Variants in NF1 observed in about 807,000 individuals in gnomAD.
NF1 encodes neurofibromin 1.
NF1 carries 122 observed loss-of-function variants against 325.7 expected under a neutral mutation model. That is an observed-to-expected ratio of 0.37 (90% CI 0.32 to 0.44). The LOEUF is 0.44. Ranked by LOEUF, NF1 falls within the 20% of genes least tolerant of loss-of-function variation. NF1 has a pLI of 1.00. For missense variants in NF1, 2,140 were observed against 3,415.4 expected, an observed-to-expected ratio of 0.63 and a Z score of 9.31; for synonymous variants, 1,091 against 1,186.0, an observed-to-expected ratio of 0.92 and a Z score of 1.65.
chr17:31,320,442 G>A (rs2069155042), intron 36 of NF1: 1 of 1,609,600 alleles, frequency 6.2e-7, no homozygotes, highest in Non-Finnish European at 8.5e-7. Flanking sequence ...GGATGCCACT[G>A]CTAGTCAGGC....
At chr17:31,212,551 T>C (rs977509747) in intron 12 of NF1, among the ~76,000 whole-genome samples, 6 of 151,888 alleles carry the variant, frequency 4.0e-5, no homozygotes, top group East Asian at 1.9e-4. Context: ...CTACTAAAAA[T>C]AGAAAAAAAT....
intron 36 of NF1, among the ~76,000 whole-genome samples, chr17:31,270,781 A>G (rs1219764471): frequency 6.6e-6 from 1 of 152,222 alleles, no homozygotes. Context: ...TGCATATTAC[A>G]TAATTTCTCA....
At chr17:31,356,279 C>G (rs1349146012) in intron 51 of NF1, 181 bp from the exon 52 acceptor site, 4 of 576,080 alleles carry the variant, frequency 6.9e-6, no homozygotes, top group African/African-American at 5.7e-5. Flanking sequence ...GCTATGGGAA[C>G]AAAACCCTTT....
intron 36 of NF1, among the ~76,000 whole-genome samples, chr17:31,288,366 T>C (rs1392409340): frequency 6.6e-6 from 1 of 152,142 alleles, no homozygotes; most frequent in East Asian, 1.9e-4. Context: ...CTTAACACAT[T>C]ATTAACACCT....
Position 31,245,952 on chromosome 17 carries a change from A to G in NF1, c.3975-3032A>G, listed in dbSNP as rs185569165. On this transcript the variant is annotated intron_variant, in intron 29 of 57. Transcript: ENST00000358273. ...GACTAGCCCCGTCTTGAAGCTCCCTAGGACCTCCCAGCCACCAGTCATCTC... is the reference window on the plus strand; with the variant it reads ...GACTAGCCCCGTCTTGAAGCTCCCTGGGACCTCCCAGCCACCAGTCATCTC... Among the ~76,000 whole-genome samples, 745 of 152,216 alleles carry G rather than the reference A, an allele frequency of 4.9e-3. 6 individuals are homozygous for G. Among genetic ancestry groups the G allele is most frequent in the Non-Finnish European group, 6.2e-3 (423 of 67,994 alleles).
intron 36 of NF1, chr17:31,304,979 G>A: frequency 6.2e-7 from 1 of 1,614,152 alleles, no homozygotes; most frequent in Non-Finnish European, 8.5e-7. Flanking sequence ...GAAGTCAGAA[G>A]TACACCAATT....
intron 39 of NF1, among the ~76,000 whole-genome samples, chr17:31,334,252 G>A (rs1306627532): frequency 5.0e-4 from 75 of 151,230 alleles, no homozygotes; most frequent in Non-Finnish European, 2.9e-5. Flanking sequence ...AGCCGAGATC[G>A]CTCCTCTGCA....
chr17:31,255,275 G>A (rs1388540969), intron 31 of NF1, among the ~76,000 whole-genome samples: 1 of 151,952 alleles, frequency 6.6e-6, no homozygotes, highest in Admixed American at 6.6e-5. Flanking sequence ...CTGATAACTG[G>A]TCTCAACACA....
At chr17:31,117,746 TTGAA>T (rs1002106613) in intron 1 of NF1, among the ~76,000 whole-genome samples, 1 of 145,180 alleles carries the variant, frequency 6.9e-6, no homozygotes, top group Non-Finnish European at 1.5e-5. Context: ...TAAATATTTG[TTGAA>T]TGAATGAATA....
intron 57 of NF1, 83 bp downstream of exon 57, chr17:31,360,786 C>A: frequency 7.9e-7 from 1 of 1,268,272 alleles, no homozygotes; most frequent in Non-Finnish European, 1.2e-6. Context: ...CAGTTTATAG[C>A]AAATTTTGCT....
At chr17:31,348,577 A>G (rs2070055433) in intron 48 of NF1, among the ~76,000 whole-genome samples, 1 of 149,960 alleles carries the variant, frequency 6.7e-6, no homozygotes, top group South Asian at 2.1e-4. Flanking sequence ...TTTGAAACAT[A>G]ATGCTTATTT....
intron 5 of NF1, among the ~76,000 whole-genome samples, chr17:31,180,282 CACA>C (rs1280599818): frequency 6.6e-6 from 1 of 152,200 alleles, no homozygotes; most frequent in Non-Finnish European, 1.5e-5. Flanking sequence ...CTGGCAGAGA[CACA>C]ACAACAAGAG....
intron 36 of NF1, among the ~76,000 whole-genome samples, chr17:31,322,165 A>G (rs552887098): frequency 6.6e-6 from 1 of 151,840 alleles, no homozygotes; most frequent in East Asian, 1.9e-4. Context: ...CAAGTTTAAC[A>G]TGACTGAAAC....
intron 1 of NF1, among the ~76,000 whole-genome samples, chr17:31,121,526 G>A (rs1199903375): frequency 6.7e-6 from 1 of 150,196 alleles, no homozygotes; most frequent in Non-Finnish European, 1.5e-5. Flanking sequence ...TCAGCCTCCC[G>A]AGTAGCTGGG....
At chr17:31,242,305 C>CTTT (rs200376987) in intron 29 of NF1, among the ~76,000 whole-genome samples, 920 of 68,850 alleles carry the variant, frequency 0.013, 241 homozygotes, top group African/African-American at 0.031. Context: ...CATAAGTTCT[C>CTTT]TTTTTTTTTT....
chr17:31,130,082 T>G (rs1176918057), intron 1 of NF1, among the ~76,000 whole-genome samples: 1 of 148,712 alleles, frequency 6.7e-6, no homozygotes, highest in Non-Finnish European at 1.5e-5. Context: ...CTGTTTTTTT[T>G]TGTTTTTTTT....
chr17:31,095,694 A>G (rs1911627568), intron 1 of NF1, among the ~76,000 whole-genome samples: 1 of 152,038 alleles, frequency 6.6e-6, no homozygotes, highest in Non-Finnish European at 1.5e-5. Flanking sequence ...GGGCGCCTTT[A>G]GGGGCGCGCC....
Position 31,313,979 on chromosome 17 carries a change from C to T in NF1, c.4836-11841C>T, listed in dbSNP as rs2068958233. On this transcript the variant is annotated intron_variant, in intron 36 of 57. Transcript: ENST00000358273. ...CCAAATTGTGTGAAAATTTTCTTACCTCAGCTGTTAACTTCTTTTGCAGAA... is the reference window on the plus strand; with the variant it reads ...CCAAATTGTGTGAAAATTTTCTTACTTCAGCTGTTAACTTCTTTTGCAGAA... 7.5e-6 allele frequency: 3 copies of T among 397,794 alleles called. No homozygotes were observed. In the Admixed American group the frequency reaches 1.3e-4, roughly 18 times the overall value. 24.6% of individuals were successfully genotyped at this position (397,794 alleles called of 1,614,324 possible). A position where few individuals can be genotyped will look rare whatever the true frequency, so the allele number is the denominator to read the frequency against.
In NF1 at chr17:31,172,371, CTT is replaced by C. The variant is rs1349333964; in HGVS notation, c.586+2376_586+2377del. Among the ~76,000 whole-genome samples, 159 of 146,052 alleles carry C rather than the reference CTT, an allele frequency of 1.1e-3. 1 individual carries two copies. The highest frequency in any genetic ancestry group is 1.3e-3 in the Non-Finnish European group (83 of 64,340). On this transcript the variant is annotated intron_variant, in intron 5 of 57. Coordinates refer to ENST00000358273, the MANE Select transcript of NF1 (RefSeq NM_001042492.3). ...TCTCTGTCTCTCTCTCTCTCTCTCTCTTTCTCTCTTTCTCTCGATATACCTAT... is the reference window on the plus strand; with the variant it reads ...TCTCTGTCTCTCTCTCTCTCTCTCTCTCTCTCTTTCTCTCGATATACCTAT...
Sources: allele counts gnomAD v4.1 joint callset (sites outside exome capture counted in the v4.1 genomes callset), GRCh38; gene constraint gnomAD v4.1.1; transcripts MANE v1.5; gene names NCBI Gene and HGNC (gene_info 2026-07-23, HGNC 2026-07-21).